RB1CC1: variants seen among roughly 807,000 people sequenced by gnomAD.
The protein encoded by RB1CC1 is RB1-inducible coiled-coil protein 1.
RB1CC1 carries 46 observed loss-of-function variants against 177.5 expected under a neutral mutation model. That is an observed-to-expected ratio of 0.26 (90% CI 0.20 to 0.33). The LOEUF is 0.33. Among genes scored for constraint, RB1CC1 ranks in the 10% least tolerant of loss-of-function variants. RB1CC1 has a pLI of 1.00. For synonymous variants in RB1CC1, 666 were observed against 613.6 expected (o/e 1.09, Z -1.26); for missense variants, 1,703 against 1,816.3 (o/e 0.94, Z 1.13).
chr8:52,663,893 ATAGAG>A (rs1208439632), intron 8 of RB1CC1, among the ~76,000 whole-genome samples: 4 of 152,188 alleles, frequency 2.6e-5, no homozygotes, highest in Non-Finnish European at 5.9e-5. Context: ...GCAATGGAAG[ATAGAG>A]TAGTGTCCTG....
intron 1 of RB1CC1, among the ~76,000 whole-genome samples, chr8:52,690,038 C>T (rs977678380): frequency 3.3e-5 from 5 of 152,074 alleles, no homozygotes; most frequent in African/African-American, 4.8e-5. Context: ...AACTATGAAA[C>T]GCACTTAACA....
rs1463882737 is a variant in RB1CC1 at position 52,622,744 on chromosome 8, T to C, written c.*1038A>G. On this transcript the variant is annotated 3_prime_UTR_variant, in exon 24 of 24. Transcript: ENST00000025008. ...CAATTCTATTCTACATAACACTGTT[T>C]ACCCTGTTACATAGTATATAGTTAA... is the stretch of plus-strand genomic sequence containing the variant. 1 of 152,046 alleles carries C rather than the reference T, an allele frequency of 6.6e-6. No homozygotes were observed. The highest frequency in any genetic ancestry group is 1.9e-4 in the East Asian group (1 of 5,200). The allele number at this position is 152,046 out of a possible 1,614,324, so 9.4% of individuals were successfully genotyped here.
intron 5 of RB1CC1, among the ~76,000 whole-genome samples, chr8:52,677,763 A>G (rs1246870514): frequency 2.0e-5 from 3 of 152,206 alleles, no homozygotes; most frequent in Non-Finnish European, 4.4e-5. Context: ...ATGTCAATTA[A>G]TCAATCATGC....
At position 52,645,619 on chromosome 8, in the gene RB1CC1, C is replaced by G. The variant is rs553291887; in HGVS notation, c.3987+83G>C. The G allele has an allele frequency of 5.1e-6, 7 of 1,383,762 alleles. No individual in the cohort carries two copies. The Admixed American group carries it at 1.7e-4, about 33-fold the overall frequency. The allele number at this position is 1,383,762 out of a possible 1,614,324, so 85.7% of individuals were successfully genotyped here. On this transcript the variant is annotated intron_variant, in intron 16 of 23. Coordinates refer to ENST00000025008, the MANE Select transcript of RB1CC1 (RefSeq NM_014781.5). Reference sequence around the variant, plus strand: ...CATCACATCTAAGATATAAGAAACCCTCAGCTACATAAAGAAATTATATTT... The same window carrying G: ...CATCACATCTAAGATATAAGAAACCGTCAGCTACATAAAGAAATTATATTT...
intron 18 of RB1CC1, among the ~76,000 whole-genome samples, chr8:52,638,471 C>G (rs1045131491): frequency 1.3e-5 from 2 of 151,896 alleles, no homozygotes; most frequent in African/African-American, 4.8e-5. Flanking sequence ...TAATACTGGC[C>G]TCAGAGGATA....
chr8:52,670,001 T>G (rs1312736806), intron 7 of RB1CC1, among the ~76,000 whole-genome samples: 1 of 152,242 alleles, frequency 6.6e-6, no homozygotes, highest in African/African-American at 2.4e-5. Flanking sequence ...TTGCCCAAGA[T>G]AGAGTGCACT....
chr8:52,654,425 G>A (rs867986781), intron 15 of RB1CC1, among the ~76,000 whole-genome samples: 1 of 152,116 alleles, frequency 6.6e-6, no homozygotes, highest in South Asian at 2.1e-4. Context: ...GGTGGCTGTA[G>A]CCAGATGCAG....
chr8:52,684,529 A>G (rs891393024), intron 3 of RB1CC1, among the ~76,000 whole-genome samples: 2 of 152,222 alleles, frequency 1.3e-5, no homozygotes, highest in Non-Finnish European at 2.9e-5. Context: ...ATAAAAATAT[A>G]AACAGCGTTG....
At chr8:52,674,393 A>C in intron 6 of RB1CC1, 119 bp from the exon 7 acceptor site, 2 of 861,560 alleles carry the variant, frequency 2.3e-6, no homozygotes, top group Non-Finnish European at 3.6e-6. Flanking sequence ...CCATAACATT[A>C]TACATACATA....
chr8:52,659,107 C>CA, intron 12 of RB1CC1, 131 bp from the exon 13 acceptor site: 5 of 464,328 alleles, frequency 1.1e-5, no homozygotes, highest in Non-Finnish European at 1.9e-5. Flanking sequence ...GATTAAGAAA[C>CA]AAAAAAAGAC....
chr8:52,645,952 T>C (rs1849985023), intron 15 of RB1CC1, 85 bp from the exon 16 acceptor site: 1 of 1,281,146 alleles, frequency 7.8e-7, no homozygotes, highest in African/African-American at 1.5e-5. Context: ...AAATTTATCT[T>C]CCTTAAGCTC....
chr8:52,711,091 G>A (rs544073025), intron 1 of RB1CC1, among the ~76,000 whole-genome samples: 2 of 152,010 alleles, frequency 1.3e-5, no homozygotes, highest in African/African-American at 2.4e-5. Context: ...GCAAACTAAC[G>A]GGTAGAAAAA....
intron 20 of RB1CC1, among the ~76,000 whole-genome samples, chr8:52,634,662 G>C (rs1006133093): frequency 6.6e-6 from 1 of 152,160 alleles, no homozygotes; most frequent in Non-Finnish European, 1.5e-5. Flanking sequence ...CAACTGGTCA[G>C]ACCTACAGCC....
At chr8:52,629,782 A>T (rs1248897232) in intron 21 of RB1CC1, among the ~76,000 whole-genome samples, 4 of 152,174 alleles carry the variant, frequency 2.6e-5, no homozygotes, top group Non-Finnish European at 5.9e-5. Flanking sequence ...ACCAACTGCC[A>T]ATCAGAAAAC....
rs757390909 is a variant in RB1CC1 at position 52,623,756 on chromosome 8, T to C, written c.*26A>G. On this transcript the variant is annotated 3_prime_UTR_variant, in exon 24 of 24. Transcript: ENST00000025008. Reference sequence around the variant, plus strand: ...CAGGACAAATCAGAAAAAAATGTCATAGAATGTATTAATTTTGTCCATAAG... The same window carrying C: ...CAGGACAAATCAGAAAAAAATGTCACAGAATGTATTAATTTTGTCCATAAG... 2 of 1,513,210 alleles carry C rather than the reference T, an allele frequency of 1.3e-6. No homozygotes were observed. Among genetic ancestry groups the C allele is most frequent in the South Asian group, 1.1e-5 (1 of 88,858 alleles). The allele number at this position is 1,513,210 out of a possible 1,614,324, so 93.7% of individuals were successfully genotyped here. A position where few individuals can be genotyped will look rare whatever the true frequency, so the allele number is the denominator to read the frequency against.
At chr8:52,663,404 A>T (rs1000087400) in intron 8 of RB1CC1, among the ~76,000 whole-genome samples, 13 of 152,096 alleles carry the variant, frequency 8.5e-5, no homozygotes, top group East Asian at 7.7e-4. Flanking sequence ...AATCCTCATA[A>T]ATGTTGTGGT....
chr8:52,658,571 C>T (rs1173897478), intron 13 of RB1CC1, among the ~76,000 whole-genome samples: 35 of 119,752 alleles, frequency 2.9e-4, no homozygotes, highest in African/African-American at 9.6e-4. Context: ...AGCGAGACTC[C>T]GTCTCAAGAA....
chr8:52,637,096 C>T (rs1849203518), intron 18 of RB1CC1, among the ~76,000 whole-genome samples: 1 of 152,108 alleles, frequency 6.6e-6, no homozygotes. Context: ...GATCAGCCTG[C>T]CCTTTTCTGC....
chr8:52,693,489 G>C (rs1855091656), intron 1 of RB1CC1, among the ~76,000 whole-genome samples: 1 of 152,116 alleles, frequency 6.6e-6, no homozygotes, highest in South Asian at 2.1e-4. Context: ...AAGATCATTA[G>C]AGAAATGTAA....
Sources: gnomAD v4.1 joint callset for allele counts (sites outside exome capture counted in the v4.1 genomes callset) on GRCh38, gnomAD v4.1.1 for gene constraint, MANE v1.5 for transcripts, NCBI Gene and HGNC (gene_info 2026-07-23, HGNC 2026-07-21) for gene names.